The following OR9Q1 variants were observed in gnomAD, a reference collection of about 807,000 sequenced individuals.
OR9Q1 encodes the protein olfactory receptor family 9 subfamily Q member 1.
For missense variants in OR9Q1, 374 were observed against 378.8 expected (o/e 0.99, Z 0.11); for synonymous variants, 153 against 148.6 (o/e 1.03, Z -0.22).
rs1259458610 is a variant in OR9Q1, at chr11:58,032,196, A to G, written c.-93+8092A>G. On this transcript the variant is annotated intron_variant, in intron 1 of 2. Coordinates refer to ENST00000335397, the MANE Select transcript of OR9Q1 (RefSeq NM_001005212.4). ...GGTCACACTGCCCAAAGCAATCCGCAGATTCAATGCTATTCCTATCAAACT... is the reference window on the plus strand; with the variant it reads ...GGTCACACTGCCCAAAGCAATCCGCGGATTCAATGCTATTCCTATCAAACT... Among the ~76,000 whole-genome samples the G allele has an allele frequency of 5.9e-5, 9 of 152,348 alleles. No individual in the cohort carries two copies. The East Asian group carries it at 1.7e-3, about 29-fold the overall frequency.
At chr11:58,026,541 A>C (rs1043474848) in intron 1 of OR9Q1, among the ~76,000 whole-genome samples, 1 of 151,724 alleles carries the variant, frequency 6.6e-6, no homozygotes, top group Non-Finnish European at 1.5e-5. Flanking sequence ...AATTAGCTGG[A>C]TATGGTGATG....
chr11:58,108,865 T>C (rs544460403), intron 2 of OR9Q1: 5 of 355,364 alleles, frequency 1.4e-5, no homozygotes, highest in East Asian at 7.4e-5. Context: ...CTCTGAGGAT[T>C]TGGCGGAGTT....
intron 2 of OR9Q1, chr11:58,144,552 G>C (rs1325284951): frequency 6.6e-6 from 1 of 152,124 alleles, no homozygotes; most frequent in Non-Finnish European, 1.5e-5. Flanking sequence ...GCTGCAGATA[G>C]GTCTCTTCTT....
At chr11:58,090,916 TA>T (rs1163250694) in intron 2 of OR9Q1, among the ~76,000 whole-genome samples, 2 of 152,238 alleles carry the variant, frequency 1.3e-5, no homozygotes, top group Non-Finnish European at 2.9e-5. Context: ...CTAGATTTTC[TA>T]GTTTATTTGC....
chr11:58,091,825 G>A (rs1280022941), intron 2 of OR9Q1, among the ~76,000 whole-genome samples: 1 of 152,134 alleles, frequency 6.6e-6, no homozygotes, highest in Non-Finnish European at 1.5e-5. Context: ...GTGTACTCCT[G>A]TATTGGGTGC....
intron 1 of OR9Q1, among the ~76,000 whole-genome samples, chr11:58,027,158 C>G (rs1422314533): frequency 6.6e-6 from 1 of 152,182 alleles, no homozygotes; most frequent in African/African-American, 2.4e-5. Context: ...TGTGCAGGTG[C>G]AATTGCCCAC....
intron 2 of OR9Q1, among the ~76,000 whole-genome samples, chr11:58,173,658 C>T (rs530170426): frequency 2.4e-4 from 37 of 152,196 alleles, no homozygotes; most frequent in African/African-American, 7.2e-4. Context: ...CCCACCCCCT[C>T]AGCCAAAGGA....
At chr11:58,031,836 G>C (rs753857589) in intron 1 of OR9Q1, 1 of 1,614,108 alleles carries the variant, frequency 6.2e-7, no homozygotes, top group Non-Finnish European at 8.5e-7. Context: ...CTCATCTACA[G>C]TCTTAGGAAC....
At chr11:58,054,452 T>C (rs1853307036) in intron 1 of OR9Q1, among the ~76,000 whole-genome samples, 1 of 152,202 alleles carries the variant, frequency 6.6e-6, no homozygotes, top group Admixed American at 6.5e-5. Flanking sequence ...GTGCCATTTT[T>C]ACCAATACCA....
At chr11:58,137,184 C>T (rs1402178088) in intron 2 of OR9Q1, among the ~76,000 whole-genome samples, 1 of 151,712 alleles carries the variant, frequency 6.6e-6, no homozygotes, top group African/African-American at 2.4e-5. Flanking sequence ...TATAAAAATG[C>T]ATAACATGTA....
At chr11:58,123,099 C>T (rs1421782943) in intron 2 of OR9Q1, among the ~76,000 whole-genome samples, 2 of 151,782 alleles carry the variant, frequency 1.3e-5, no homozygotes, top group African/African-American at 4.8e-5. Flanking sequence ...GATATTATGA[C>T]CTTATTTTTA....
At chr11:58,151,973 A>T (rs1590617742) in intron 2 of OR9Q1, among the ~76,000 whole-genome samples, 6 of 152,292 alleles carry the variant, frequency 3.9e-5, no homozygotes, top group Admixed American at 3.9e-4. Context: ...AGGAACCTTG[A>T]CATAGAGATT....
chr11:58,102,353 T>A (rs1406352974), intron 2 of OR9Q1, among the ~76,000 whole-genome samples: 5 of 152,152 alleles, frequency 3.3e-5, no homozygotes, highest in Non-Finnish European at 7.3e-5. Context: ...CTCCTTCTGC[T>A]CTTTCTGTGA....
At chr11:58,054,347 G>T (rs1305179110) in intron 1 of OR9Q1, among the ~76,000 whole-genome samples, 1 of 152,236 alleles carries the variant, frequency 6.6e-6, no homozygotes, top group Non-Finnish European at 1.5e-5. Context: ...TTATAATAGA[G>T]CTCCTACCCG....
At chr11:58,056,380 A>G (rs1004694091) in intron 2 of OR9Q1, among the ~76,000 whole-genome samples, 2 of 152,190 alleles carry the variant, frequency 1.3e-5, no homozygotes, top group Non-Finnish European at 2.9e-5. Context: ...GAGATTTTCT[A>G]GTCCACAGGT....
intron 1 of OR9Q1, among the ~76,000 whole-genome samples, chr11:58,030,091 C>G (rs1421480404): frequency 6.6e-6 from 1 of 152,168 alleles, no homozygotes; most frequent in African/African-American, 2.4e-5. Context: ...AGCTGCCTGC[C>G]TTAGACTCCC....
At chr11:58,101,932 G>A (rs61904053) in intron 2 of OR9Q1, among the ~76,000 whole-genome samples, 25,988 of 152,078 alleles carry the variant, frequency 0.17, 2,351 homozygotes, top group Non-Finnish European at 0.21. Flanking sequence ...TTTTAGTACA[G>A]ACGGGGTTTC....
At chr11:58,074,061 A>G (rs1166470921) in intron 2 of OR9Q1, among the ~76,000 whole-genome samples, 2 of 152,146 alleles carry the variant, frequency 1.3e-5, no homozygotes, top group Non-Finnish European at 2.9e-5. Context: ...ATTGATGGGC[A>G]TTTGGGTTTG....
chr11:58,044,655 C>T (rs549669602), intron 1 of OR9Q1: 1 of 152,256 alleles, frequency 6.6e-6, no homozygotes, highest in African/African-American at 2.4e-5. Flanking sequence ...CCTCTTTCTC[C>T]ATTTCTTGCT....
Sources: allele counts gnomAD v4.1 joint callset (sites outside exome capture counted in the v4.1 genomes callset), GRCh38; gene constraint gnomAD v4.1.1; transcripts MANE v1.5; gene names NCBI Gene and HGNC (gene_info 2026-07-23, HGNC 2026-07-21).